The following NRXN1 variants were observed in gnomAD, a reference collection of about 807,000 sequenced individuals.
NRXN1 encodes neurexin 1.
In NRXN1, 39 loss-of-function variants were observed where a neutral mutation model predicts 150.9. The ratio of observed to expected loss-of-function variants is 0.26; its 90% CI spans 0.20 to 0.34. The LOEUF is 0.34. Ranked by LOEUF, NRXN1 falls within the 10% of genes least tolerant of loss-of-function variation. NRXN1 has a pLI of 1.00. For synonymous variants in NRXN1, 924 were observed against 757.0 expected (o/e 1.22, Z -3.62); for missense variants, 1,815 against 1,949.9 (o/e 0.93, Z 1.30).
chr2:50,938,325 T>A (rs1688852235), intron 2 of NRXN1, among the ~76,000 whole-genome samples: 1 of 152,224 alleles, frequency 6.6e-6, no homozygotes, highest in Non-Finnish European at 1.5e-5. Flanking sequence ...TACAATCTTG[T>A]GGAACCATCA....
chr2:50,619,947 C>T (rs1679699461), intron 8 of NRXN1, 75 bp downstream of exon 8: 1 of 1,354,992 alleles, frequency 7.4e-7, no homozygotes, highest in South Asian at 1.9e-5. Context: ...GGGTCTTCAG[C>T]AAAGGTGCTT....
intron 9 of NRXN1, among the ~76,000 whole-genome samples, chr2:50,548,651 G>A (rs1168609931): frequency 6.6e-6 from 1 of 151,894 alleles, no homozygotes; most frequent in Admixed American, 6.6e-5. Flanking sequence ...ACCCAGGAAT[G>A]TACTAGAAAC....
chr2:50,594,530 A>G (rs72884080), intron 8 of NRXN1, among the ~76,000 whole-genome samples: 1 of 152,046 alleles, frequency 6.6e-6, no homozygotes, highest in Non-Finnish European at 1.5e-5. Context: ...TTTATTACAC[A>G]TGATAACGTG....
intron 17 of NRXN1, among the ~76,000 whole-genome samples, chr2:50,255,151 C>CAA (rs143342471): frequency 6.6e-6 from 1 of 151,532 alleles, no homozygotes; most frequent in African/African-American, 2.4e-5. Flanking sequence ...AACAAACAAA[C>CAA]AAAAAAAACT....
chr2:50,656,389 G>GAA (rs1686462173), intron 5 of NRXN1: 2 of 776,992 alleles, frequency 2.6e-6, no homozygotes, highest in Non-Finnish European at 4.8e-6. Flanking sequence ...CAGAAGTCAT[G>GAA]AAAGTGGTCT....
chr2:49,963,076 G>A (rs1044169947), intron 21 of NRXN1, among the ~76,000 whole-genome samples: 5 of 152,242 alleles, frequency 3.3e-5, no homozygotes, highest in South Asian at 4.1e-4. Flanking sequence ...TTTATATCCC[G>A]AGGATGCTGC....
At chr2:50,822,073 T>C (rs1180076190) in intron 5 of NRXN1, among the ~76,000 whole-genome samples, 1 of 152,126 alleles carries the variant, frequency 6.6e-6, no homozygotes, top group Non-Finnish European at 1.5e-5. Flanking sequence ...TGTATTTAAG[T>C]GATAGTCTAA....
intron 2 of NRXN1, among the ~76,000 whole-genome samples, chr2:50,989,606 A>G (rs1294626257): frequency 6.6e-6 from 1 of 151,992 alleles, no homozygotes; most frequent in Non-Finnish European, 1.5e-5. Flanking sequence ...TATGAGATTC[A>G]GCCATGTTGT....
chr2:50,034,942 G>C (rs1044149233), intron 21 of NRXN1, among the ~76,000 whole-genome samples: 2 of 151,986 alleles, frequency 1.3e-5, no homozygotes, highest in Non-Finnish European at 2.9e-5. Flanking sequence ...TTCAAAACTT[G>C]AATTTATTAT....
intron 18 of NRXN1, among the ~76,000 whole-genome samples, chr2:50,119,917 CATGGGTTTGTTTTTAGAA>C (rs1461385328): frequency 6.6e-6 from 1 of 152,132 alleles, no homozygotes; most frequent in Non-Finnish European, 1.5e-5. Context: ...AAGTCTCTCT[CATGGGTTTGTTTTTAGAA>C]AAATGTTAAG....
chr2:50,746,071 G>A (rs937627620), intron 5 of NRXN1, among the ~76,000 whole-genome samples: 10 of 152,122 alleles, frequency 6.6e-5, no homozygotes, highest in Non-Finnish European at 1.5e-4. Flanking sequence ...CAATTTCTGA[G>A]CTAAAACTTT....
At chr2:50,708,605 C>T (rs957854037) in intron 5 of NRXN1, among the ~76,000 whole-genome samples, 1 of 152,096 alleles carries the variant, frequency 6.6e-6, no homozygotes, top group African/African-American at 2.4e-5. Context: ...CTAAGTTACA[C>T]AGAGGGAAGA....
intron 9 of NRXN1, among the ~76,000 whole-genome samples, chr2:50,548,682 C>T (rs1172906904): frequency 6.6e-6 from 1 of 151,480 alleles, no homozygotes; most frequent in Non-Finnish European, 1.5e-5. Context: ...AAAATAAATA[C>T]AATTTTCTCT....
chr2:50,697,792 A>G (rs1269885036), intron 5 of NRXN1, among the ~76,000 whole-genome samples: 1 of 151,986 alleles, frequency 6.6e-6, no homozygotes, highest in Non-Finnish European at 1.5e-5. Context: ...TCTTTGTTTC[A>G]TTTTCTTTCT....
At chr2:50,232,829 T>C (rs76457541) in intron 18 of NRXN1, among the ~76,000 whole-genome samples, 2,747 of 152,246 alleles carry the variant, frequency 0.018, 84 homozygotes, top group African/African-American at 0.061. Context: ...AAGGCAATTA[T>C]TAACAAAAAA....
intron 15 of NRXN1, among the ~76,000 whole-genome samples, chr2:50,489,049 C>T (rs1248499296): frequency 2.0e-5 from 3 of 152,224 alleles, no homozygotes; most frequent in Non-Finnish European, 4.4e-5. Context: ...GCCATCTAAT[C>T]ACCATCCTGC....
At chr2:50,105,237 A>G (rs1352949945) in intron 18 of NRXN1, 1 of 152,148 alleles carries the variant, frequency 6.6e-6, no homozygotes, top group Non-Finnish European at 1.5e-5. Context: ...CAGACGCAGC[A>G]ATTCCTCTTT....
At chr2:49,969,592 A>G (rs1273845630) in intron 21 of NRXN1, 1 of 152,044 alleles carries the variant, frequency 6.6e-6, no homozygotes, top group Non-Finnish European at 1.5e-5. Context: ...ATTTGCATAT[A>G]AAGTATTTTT....
At chr2:50,329,657 A>G (rs1372922976) in intron 17 of NRXN1, among the ~76,000 whole-genome samples, 1 of 17,422 alleles carries the variant, frequency 5.7e-5, no homozygotes, top group Non-Finnish European at 9.3e-5. Flanking sequence ...ATATATATAT[A>G]TATATATATA....
Sources: allele counts gnomAD v4.1 joint callset (sites outside exome capture counted in the v4.1 genomes callset), GRCh38; gene constraint gnomAD v4.1.1; transcripts MANE v1.5; gene names NCBI Gene and HGNC (gene_info 2026-07-23, HGNC 2026-07-21).